Variants in CWC27 observed in about 807,000 individuals in gnomAD.
CWC27 encodes CWC27 spliceosome associated cyclophilin.
CWC27 carries 47 observed loss-of-function variants against 63.6 expected under a neutral mutation model. The observed-to-expected ratio is 0.74, with a 90% CI of 0.58 to 0.94. The LOEUF is 0.94. Ranked by LOEUF, CWC27 falls within the 40% of genes least tolerant of loss-of-function variation. The probability of loss-of-function intolerance (pLI) is 0.00; values close to 1 mark genes in which losing one functional copy is unlikely to be tolerated. For missense variants in CWC27, 495 were observed against 554.3 expected (o/e 0.89, Z 1.07); for synonymous variants, 175 against 179.8 (o/e 0.97, Z 0.22).
chr5:64,880,605 G>A (rs1746910639), intron 10 of CWC27, among the ~76,000 whole-genome samples: 1 of 151,540 alleles, frequency 6.6e-6, no homozygotes, highest in Admixed American at 6.6e-5. Flanking sequence ...TAATTTCTTT[G>A]CCAATACTAA....
intron 10 of CWC27, among the ~76,000 whole-genome samples, chr5:64,840,386 A>T (rs1277857640): frequency 3.0e-3 from 167 of 56,594 alleles, no homozygotes; most frequent in Non-Finnish European, 3.7e-3. Context: ...AAAAAAAAAA[A>T]AAAAAAAAAT....
At chr5:64,775,920 G>C (rs1295805365) in intron 2 of CWC27, among the ~76,000 whole-genome samples, 1 of 151,846 alleles carries the variant, frequency 6.6e-6, no homozygotes, top group Non-Finnish European at 1.5e-5. Flanking sequence ...CAACATTTTG[G>C]GTCAGAAGCA....
At chr5:64,900,510 T>C (rs1747476864) in intron 11 of CWC27, among the ~76,000 whole-genome samples, 1 of 152,226 alleles carries the variant, frequency 6.6e-6, no homozygotes, top group African/African-American at 2.4e-5. Context: ...CGGTGGCTTA[T>C]ATTTTTTGTC....
At chr5:64,973,459 G>C (rs1749161541) in intron 12 of CWC27, among the ~76,000 whole-genome samples, 1 of 152,190 alleles carries the variant, frequency 6.6e-6, no homozygotes, top group African/African-American at 2.4e-5. Flanking sequence ...ATTCTGGGAA[G>C]GCTCTCGCTG....
chr5:64,994,657 C>T (rs1184926337), intron 13 of CWC27, among the ~76,000 whole-genome samples: 1 of 152,098 alleles, frequency 6.6e-6, no homozygotes, highest in African/African-American at 2.4e-5. Flanking sequence ...TAGCTAGTCC[C>T]CTCCCCACAA....
intron 10 of CWC27, chr5:64,808,005 A>ATT: frequency 7.4e-7 from 1 of 1,348,412 alleles, no homozygotes. Flanking sequence ...GCTACTTTCC[A>ATT]TTTTTTTTTC....
At chr5:64,888,469 A>G (rs1747131855) in intron 11 of CWC27, among the ~76,000 whole-genome samples, 1 of 147,550 alleles carries the variant, frequency 6.8e-6, no homozygotes, top group Non-Finnish European at 1.5e-5. Flanking sequence ...GGATTATAAC[A>G]CTATATAATT....
At chr5:64,960,884 A>T (rs1232699271) in intron 11 of CWC27, among the ~76,000 whole-genome samples, 2 of 149,884 alleles carry the variant, frequency 1.3e-5, no homozygotes, top group Admixed American at 1.3e-4. Context: ...AGTAGCTGTG[A>T]CTACACGCCT....
chr5:64,780,562 T>C (rs893774027), intron 2 of CWC27, among the ~76,000 whole-genome samples: 4 of 148,074 alleles, frequency 2.7e-5, no homozygotes, highest in Admixed American at 6.8e-5. Flanking sequence ...TATCAAACAA[T>C]ATATATCAAA....
chr5:64,906,266 C>G (rs1747638400), intron 11 of CWC27, among the ~76,000 whole-genome samples: 1 of 152,150 alleles, frequency 6.6e-6, no homozygotes, highest in Non-Finnish European at 1.5e-5. Flanking sequence ...TTGTCTTCCA[C>G]AATGGTTGAA....
chr5:65,009,154 G>A (rs923608997), intron 13 of CWC27, among the ~76,000 whole-genome samples: 1 of 152,118 alleles, frequency 6.6e-6, no homozygotes, highest in Non-Finnish European at 1.5e-5. Context: ...TCATGACAGG[G>A]GAGTGAGAGT....
intron 10 of CWC27, among the ~76,000 whole-genome samples, chr5:64,865,495 A>G (rs543944875): frequency 4.2e-4 from 64 of 152,224 alleles, no homozygotes; most frequent in Middle Eastern, 3.4e-3. Flanking sequence ...CCTAATTTAT[A>G]TAGATTGGTA....
At chr5:64,940,241 G>A (rs1257015755) in intron 11 of CWC27, among the ~76,000 whole-genome samples, 1 of 152,168 alleles carries the variant, frequency 6.6e-6, no homozygotes, top group Admixed American at 6.5e-5. Context: ...GGCCCTGGTG[G>A]TGTAGGCTCC....
At chr5:64,986,220 A>C (rs1749423806) in intron 13 of CWC27, among the ~76,000 whole-genome samples, 1 of 152,214 alleles carries the variant, frequency 6.6e-6, no homozygotes, top group South Asian at 2.1e-4. Flanking sequence ...ATCAAAAAGC[A>C]AACACTGGAT....
intron 13 of CWC27, among the ~76,000 whole-genome samples, chr5:65,011,816 C>T (rs1353634639): frequency 6.6e-6 from 1 of 152,220 alleles, no homozygotes. Flanking sequence ...GCCCTTGGTT[C>T]TGCTCCTTTT....
At chr5:65,011,207 G>A (rs1415268821) in intron 13 of CWC27, among the ~76,000 whole-genome samples, 2 of 152,124 alleles carry the variant, frequency 1.3e-5, no homozygotes, top group African/African-American at 2.4e-5. Flanking sequence ...TTCCAGCCTG[G>A]GCAACATAGC....
At chr5:64,773,212 A>AAT (rs1743327357) in intron 1 of CWC27, among the ~76,000 whole-genome samples, 1 of 152,156 alleles carries the variant, frequency 6.6e-6, no homozygotes, top group African/African-American at 2.4e-5. Flanking sequence ...CTTTGCCTTA[A>AAT]ATATATATTG....
chr5:64,919,698 A>G (rs1433298999), intron 11 of CWC27, among the ~76,000 whole-genome samples: 1 of 152,178 alleles, frequency 6.6e-6, no homozygotes, highest in African/African-American at 2.4e-5. Context: ...CATTCTTTTT[A>G]TGGCTGCATA....
At chr5:65,014,631 C>T (rs1166037560) in intron 13 of CWC27, among the ~76,000 whole-genome samples, 1 of 152,050 alleles carries the variant, frequency 6.6e-6, no homozygotes, top group Non-Finnish European at 1.5e-5. Flanking sequence ...TGATTGTAAA[C>T]TATCAGACCC....
Sources: allele counts gnomAD v4.1 joint callset (sites outside exome capture counted in the v4.1 genomes callset), GRCh38; gene constraint gnomAD v4.1.1; transcripts MANE v1.5; gene names NCBI Gene and HGNC (gene_info 2026-07-23, HGNC 2026-07-21).